The following NUP188 variants were observed in gnomAD, a reference collection of about 807,000 sequenced individuals.
NUP188 encodes nucleoporin 188, also known as nucleoporin NUP188.
In NUP188, 97 loss-of-function variants were observed where a neutral mutation model predicts 223.0. That is an observed-to-expected ratio of 0.43 (90% confidence interval 0.37 to 0.51). NUP188 has a LOEUF of 0.51. NUP188 is among the 20% of genes least tolerant of loss of function. NUP188 has a pLI of 0.00. For synonymous variants in NUP188, 869 were observed against 828.0 expected, an observed-to-expected ratio of 1.05 and a Z score of -0.85; for missense variants, 1,947 against 2,175.6, an observed-to-expected ratio of 0.89 and a Z score of 2.09.
intron 15 of NUP188, among the ~76,000 whole-genome samples, chr9:128,982,247 A>G (rs1842264262): frequency 6.6e-6 from 1 of 152,106 alleles, no homozygotes; most frequent in African/African-American, 2.4e-5. Flanking sequence ...CCTGGTCAAC[A>G]TGGAAAACCC....
At chr9:129,000,894 C>T (rs1315844443) in intron 34 of NUP188, among the ~76,000 whole-genome samples, 3 of 151,568 alleles carry the variant, frequency 2.0e-5, no homozygotes, top group Non-Finnish European at 2.9e-5. Context: ...AAAAATTAGC[C>T]GGGCGTGGTG....
intron 12 of NUP188, among the ~76,000 whole-genome samples, chr9:128,978,891 A>G (rs1842216441): frequency 1.3e-5 from 2 of 152,052 alleles, no homozygotes; most frequent in Admixed American, 1.3e-4. Context: ...TCGTATTTTT[A>G]GTAGACATGG....
rs1554827624 is a variant in NUP188 at position 128,956,210 on chromosome 9, T to TGTGTGTGTGTGTGTGTGTGC, written c.162-139_162-138insTGTGTGTGTGTGTGTGTGCG. ...GTGTGTGTGTGTGTGTGTGTGTGTGTGCGTGTGTGTGTTTGTGTGTGTGTT... is the reference window on the plus strand; with the variant it reads ...GTGTGTGTGTGTGTGTGTGTGTGTGTGTGTGTGTGTGTGTGTGTGCGCGTGTGTGTGTTTGTGTGTGTGTT... On this transcript the variant is annotated intron_variant, in intron 3 of 43. Transcript: ENST00000372577. 4 of 433,896 alleles carry TGTGTGTGTGTGTGTGTGTGC rather than the reference T, an allele frequency of 9.2e-6. No individual in the cohort carries two copies. The East Asian group carries it at 1.5e-4, about 16-fold the overall frequency. 26.9% of individuals were successfully genotyped at this position (433,896 alleles called of 1,614,324 possible).
In NUP188 at chr9:128,995,309, G is replaced by T. The variant is rs766743944; in HGVS notation, c.3156-10G>T. On this transcript the variant is annotated splice_polypyrimidine_tract_variant and intron_variant, in intron 29 of 43. Transcript: ENST00000372577. ...AAAATCTAACTGGAGGTTTTTTCTT[G>T]ACACTGTAGGGGTTCATTAGACCAG... 6.2e-7 allele frequency: 1 copy of T among 1,607,676 alleles called. No homozygotes were observed. Among genetic ancestry groups the T allele is most frequent in the African/African-American group, 1.3e-5 (1 of 74,672 alleles).
intron 15 of NUP188, 109 bp from the exon 16 acceptor site, chr9:128,982,440 T>C (rs779889962): frequency 2.0e-6 from 2 of 1,020,038 alleles, no homozygotes; most frequent in South Asian, 3.4e-5. Flanking sequence ...AAAAAAAAAA[T>C]GTCTGTGAGT....
At chr9:128,961,637 T>A (rs1255624020) in intron 8 of NUP188, among the ~76,000 whole-genome samples, 1 of 148,826 alleles carries the variant, frequency 6.7e-6, no homozygotes, top group Non-Finnish European at 1.5e-5. Flanking sequence ...TTTTTTTTTT[T>A]TGAGACGGAG....
At chr9:128,949,443 C>T (rs925565326) in intron 2 of NUP188, among the ~76,000 whole-genome samples, 200 bp downstream of exon 2, 2 of 151,992 alleles carry the variant, frequency 1.3e-5, no homozygotes, top group African/African-American at 2.4e-5. Context: ...AGCGATTCTC[C>T]TGCCTCAGCT....
rs1187609265 is a variant in NUP188, at chr9:128,987,734, A to C, written c.2393+17A>C. 1 of 1,609,506 alleles carries C rather than the reference A, an allele frequency of 6.2e-7. No homozygotes were observed. The highest frequency in any genetic ancestry group is 8.5e-7 in the Non-Finnish European group (1 of 1,178,438). ...GCCTCGAAGGTAGGGCTCCTTCTCC[A>C]CGTTCCCTTTGTCTGTCTTTATTGT... On this transcript the variant is annotated intron_variant, in intron 23 of 43. Coordinates refer to ENST00000372577, the MANE Select transcript of NUP188 (RefSeq NM_015354.3).
intron 2 of NUP188, among the ~76,000 whole-genome samples, chr9:128,950,086 C>G (rs1172070095): frequency 6.6e-6 from 1 of 151,798 alleles, no homozygotes; most frequent in Admixed American, 6.6e-5. Context: ...CCACGCCCTG[C>G]TGATTTTTAT....
chr9:128,998,765 G>C, intron 32 of NUP188, 142 bp downstream of exon 32: 2 of 683,686 alleles, frequency 2.9e-6, no homozygotes, highest in Non-Finnish European at 2.6e-6. Context: ...GCAGATAGGA[G>C]GGTGAGGCAG....
At chr9:128,970,985 C>T (rs367600494) in intron 11 of NUP188, 27 bp downstream of exon 11, 19 of 1,557,708 alleles carry the variant, frequency 1.2e-5, no homozygotes, top group Non-Finnish European at 1.6e-5. Flanking sequence ...GGGTGGTGAG[C>T]ATGGGAGTGA....
intron 12 of NUP188, among the ~76,000 whole-genome samples, chr9:128,974,118 C>T (rs1842138981): frequency 6.6e-6 from 1 of 152,038 alleles, no homozygotes; most frequent in African/African-American, 2.4e-5. Flanking sequence ...ACCATCTTGG[C>T]CAGCTGGTCC....
chr9:128,952,890 A>G (rs763469803), intron 3 of NUP188, 44 bp downstream of exon 3: 1 of 1,458,634 alleles, frequency 6.9e-7, no homozygotes, highest in African/African-American at 1.4e-5. Flanking sequence ...TGTCCTAAGG[A>G]AGCTGACATG....
chr9:128,949,919 C>CTTTT (rs35705253), intron 2 of NUP188, among the ~76,000 whole-genome samples: 10 of 81,230 alleles, frequency 1.2e-4, no homozygotes, highest in African/African-American at 2.8e-4. Context: ...GTGACGGCCA[C>CTTTT]TTTTTTTTTT....
chr9:128,949,440 C>G (rs1445493101), intron 2 of NUP188, among the ~76,000 whole-genome samples, 197 bp downstream of exon 2: 1 of 149,668 alleles, frequency 6.7e-6, no homozygotes, highest in African/African-American at 2.5e-5. Context: ...TCAAGCGATT[C>G]TCCTGCCTCA....
Position 128,959,070 on chromosome 9 carries a change from G to T in NUP188, c.521G>T (p.Arg174Ile). 6.2e-7 allele frequency: 1 copy of T among 1,603,212 alleles called. No homozygotes were observed. Among genetic ancestry groups the T allele is most frequent in the Non-Finnish European group, 8.5e-7 (1 of 1,173,680 alleles). The change falls in exon 8 of 44, where the codon AGA becomes ATA. Residue 174 changes from arginine to isoleucine, a missense_variant. By Grantham distance (97) the Arg-to-Ile change is moderately conservative. This residue lies in a region of NUP188 where 817 missense variants were observed against 865.8 expected (regional missense o/e 0.94). Transcript: ENST00000372577. ...GAGAAGGAACTAGTTTCAAAATACAGACAGCAGTTCGAAGAGCTTTATAAA... is the reference window on the plus strand; with the variant it reads ...GAGAAGGAACTAGTTTCAAAATACATACAGCAGTTCGAAGAGCTTTATAAA... ...KLEKELVSKY[R>I]QQFEELYKTE...
chr9:128,980,846 G>A (rs1219216910), intron 14 of NUP188, 121 bp downstream of exon 14: 2 of 975,960 alleles, frequency 2.0e-6, no homozygotes, highest in Admixed American at 2.7e-5. Flanking sequence ...GTCTGAAGGT[G>A]AATGAAAGAT....
At chr9:128,965,960 G>GC (rs1238629585) in intron 8 of NUP188, among the ~76,000 whole-genome samples, 4 of 151,108 alleles carry the variant, frequency 2.6e-5, no homozygotes, top group African/African-American at 9.7e-5. Context: ...ACCACGCCCA[G>GC]CTTTTTTTGT....
chr9:128,982,985 T>C lies in NUP188; in HGVS notation c.1753T>C (p.Cys585Arg), dbSNP rs1334612527. 5 of 1,614,098 alleles carry C rather than the reference T, an allele frequency of 3.1e-6. No individual in the cohort carries two copies. Among genetic ancestry groups the C allele is most frequent in the Non-Finnish European group, 1.7e-6 (2 of 1,180,044 alleles). ...CAGTACAGACCTGTCGATAGCAGAC[T>C]GTCTCCTGCCCATCACATCTCGCAT... is the stretch of plus-strand genomic sequence containing the variant. ...VISTDLSIAD[C>R]LLPITSRIYM... Residue 585 changes from cysteine (C) to arginine (R), a missense_variant, in exon 17 of 44, where the codon TGT (cysteine) becomes CGT (arginine). Around this residue, in one of 3 missense-constraint regions of NUP188, gnomAD observed 817 missense variants for 865.8 expected, o/e 0.94. Transcript: ENST00000372577.
Sources: gnomAD v4.1 joint callset for allele counts (sites outside exome capture counted in the v4.1 genomes callset) on GRCh38, gnomAD v4.1.1 for gene constraint, gnomAD v4.1.1 regional missense constraint, MANE v1.5 for transcripts, NCBI Gene and HGNC (gene_info 2026-07-23, HGNC 2026-07-21) for gene names.